The following ARHGAP26 variants were observed in gnomAD, a reference collection of about 807,000 sequenced individuals.
The protein encoded by ARHGAP26 is Rho GTPase activating protein 26, also known as rho GTPase-activating protein 26.
ARHGAP26 carries 38 observed loss-of-function variants against 104.8 expected under a neutral mutation model. The observed-to-expected ratio is 0.36, with a 90% CI of 0.28 to 0.48. ARHGAP26 has a LOEUF of 0.48. Ranked by LOEUF, ARHGAP26 falls within the 20% of genes least tolerant of loss-of-function variation. ARHGAP26 has a pLI of 0.99. For synonymous variants in ARHGAP26, 341 were observed against 340.0 expected, an observed-to-expected ratio of 1.00 and a Z score of -0.03; for missense variants, 704 against 947.9, an observed-to-expected ratio of 0.74 and a Z score of 3.38.
intron 11 of ARHGAP26, among the ~76,000 whole-genome samples, chr5:142,981,199 C>T (rs1562198927): frequency 6.6e-6 from 1 of 152,288 alleles, no homozygotes; most frequent in South Asian, 2.1e-4. Flanking sequence ...CTTTGCTGCC[C>T]GACAGCAGGA....
chr5:143,070,806 G>C (rs951518243), intron 17 of ARHGAP26, among the ~76,000 whole-genome samples: 2 of 152,102 alleles, frequency 1.3e-5, no homozygotes, highest in African/African-American at 4.8e-5. Context: ...GCTACTCTTG[G>C]GAGGCTGAGG....
intron 5 of ARHGAP26, among the ~76,000 whole-genome samples, chr5:142,889,447 T>C (rs1209228038): frequency 3.3e-5 from 5 of 151,730 alleles, no homozygotes; most frequent in Admixed American, 6.6e-5. Context: ...ACCCTGTCTC[T>C]AGTGAAAATG....
intron 1 of ARHGAP26, among the ~76,000 whole-genome samples, chr5:142,844,274 C>A (rs1414694876): frequency 1.3e-5 from 2 of 151,956 alleles, no homozygotes; most frequent in Non-Finnish European, 2.9e-5. Flanking sequence ...TGGTCTCAAA[C>A]TCCTGACCTC....
intron 17 of ARHGAP26, among the ~76,000 whole-genome samples, chr5:143,108,020 CCACT>C (rs1184267749): frequency 2.6e-5 from 4 of 152,110 alleles, no homozygotes; most frequent in Admixed American, 1.3e-4. Flanking sequence ...CTCACATGTA[CCACT>C]ATATATAAAC....
chr5:143,096,804 A>G (rs1329168189), intron 17 of ARHGAP26, among the ~76,000 whole-genome samples: 2 of 151,454 alleles, frequency 1.3e-5, no homozygotes, highest in Non-Finnish European at 2.9e-5. Context: ...TTTTTTTTGC[A>G]TCTCATGGAA....
chr5:143,005,193 T>G (rs1489532488), intron 11 of ARHGAP26, among the ~76,000 whole-genome samples: 1 of 152,228 alleles, frequency 6.6e-6, no homozygotes, highest in African/African-American at 2.4e-5. Context: ...GAGCTTCTGA[T>G]ATGTTAAGAT....
At chr5:143,026,824 A>G (rs1231480338) in intron 12 of ARHGAP26, among the ~76,000 whole-genome samples, 1 of 151,884 alleles carries the variant, frequency 6.6e-6, no homozygotes, top group Non-Finnish European at 1.5e-5. Flanking sequence ...GGTGGGGGCA[A>G]AATTGAAGCA....
At chr5:142,951,756 C>A (rs1376767787) in intron 11 of ARHGAP26, among the ~76,000 whole-genome samples, 1 of 152,194 alleles carries the variant, frequency 6.6e-6, no homozygotes, top group Non-Finnish European at 1.5e-5. Context: ...ATTCAGAAAG[C>A]TTTTCTGCAC....
intron 11 of ARHGAP26, among the ~76,000 whole-genome samples, chr5:142,943,693 T>C (rs1363488647): frequency 6.6e-6 from 1 of 152,222 alleles, no homozygotes; most frequent in Admixed American, 6.5e-5. Flanking sequence ...TTATTCTAAC[T>C]TCTTTATTAA....
intron 5 of ARHGAP26, among the ~76,000 whole-genome samples, chr5:142,893,941 G>GTT (rs67423184): frequency 2.1e-5 from 3 of 140,034 alleles, no homozygotes; most frequent in African/African-American, 7.8e-5. Context: ...TTATTTGTGG[G>GTT]TTTTTTTTTT....
intron 11 of ARHGAP26, among the ~76,000 whole-genome samples, chr5:143,012,576 T>TACATATATATATATATATATATATACATA (rs1554195628): frequency 1.8e-5 from 1 of 57,042 alleles, no homozygotes; most frequent in Non-Finnish European, 5.2e-5. Context: ...TATATATATA[T>TACATATATATATATATATATATATACATA]TATGATCAGG....
intron 5 of ARHGAP26, among the ~76,000 whole-genome samples, chr5:142,890,129 T>G (rs1319629632): frequency 1.7e-5 from 1 of 58,636 alleles, no homozygotes; most frequent in Non-Finnish European, 2.9e-5. Context: ...AGAGCGAAAC[T>G]CCGTCTTAAA....
At chr5:143,211,561 A>T (rs1809465104) in intron 21 of ARHGAP26, among the ~76,000 whole-genome samples, 3 of 149,800 alleles carry the variant, frequency 2.0e-5, no homozygotes, top group Non-Finnish European at 4.4e-5. Flanking sequence ...TTGCTTATTT[A>T]TTTATTTACC....
chr5:142,924,311 C>T (rs1458678130), intron 10 of ARHGAP26, among the ~76,000 whole-genome samples: 3 of 152,090 alleles, frequency 2.0e-5, no homozygotes, highest in Non-Finnish European at 4.4e-5. Flanking sequence ...ATGTATGCTA[C>T]ATGCACAGGG....
Position 143,054,432 on chromosome 5 carries a change from A to G in ARHGAP26, c.1286-7A>G, listed in dbSNP as rs200277333. On this transcript the variant is annotated splice_region_variant and splice_polypyrimidine_tract_variant and intron_variant, in intron 14 of 22. Transcript: ENST00000645722. ...GTGCTTTATGTATTGTCTTTTCTTC[A>G]TTTTAGACCCCAAGACTGCTTCTGA... The G allele has an allele frequency of 6.9e-6, 11 of 1,602,594 alleles. No homozygotes were observed. Among genetic ancestry groups the G allele is most frequent in the Non-Finnish European group, 9.4e-6 (11 of 1,174,422 alleles).
At chr5:143,042,658 G>A (rs1400209743) in intron 14 of ARHGAP26, among the ~76,000 whole-genome samples, 1 of 152,200 alleles carries the variant, frequency 6.6e-6, no homozygotes, top group Admixed American at 6.5e-5. Flanking sequence ...TTGTAGAGAG[G>A]GACTATCACT....
At chr5:142,912,078 C>CA (rs2152481191) in intron 9 of ARHGAP26, among the ~76,000 whole-genome samples, 1 of 152,216 alleles carries the variant, frequency 6.6e-6, no homozygotes, top group East Asian at 1.9e-4. Context: ...AAAAGATTGA[C>CA]AGAGGCAGGA....
intron 14 of ARHGAP26, among the ~76,000 whole-genome samples, chr5:143,047,394 G>A (rs1277033601): frequency 6.6e-6 from 1 of 152,232 alleles, no homozygotes; most frequent in East Asian, 1.9e-4. Flanking sequence ...ATGAAAAGAT[G>A]CTTGTGGGTT....
At chr5:143,106,897 G>T (rs1041181926) in intron 17 of ARHGAP26, among the ~76,000 whole-genome samples, 6 of 152,162 alleles carry the variant, frequency 3.9e-5, no homozygotes, top group Non-Finnish European at 7.3e-5. Context: ...TAGACTTCTG[G>T]ACTGCACTGT....
Sources: gnomAD v4.1 joint callset for allele counts (sites outside exome capture counted in the v4.1 genomes callset) on GRCh38, gnomAD v4.1.1 for gene constraint, MANE v1.5 for transcripts, NCBI Gene and HGNC (gene_info 2026-07-23, HGNC 2026-07-21) for gene names.